AGPS: variants seen among roughly 807,000 people sequenced by gnomAD.
AGPS encodes alkylglycerone phosphate synthase.
A neutral mutation model predicts 90.7 loss-of-function variants in AGPS; 26 were observed. That is an observed-to-expected ratio of 0.29 (90% CI 0.21 to 0.40). The LOEUF (loss-of-function observed/expected upper bound fraction) is 0.40. Among genes scored for constraint, AGPS ranks in the 10% least tolerant of loss-of-function variants. The pLI is 1.00. For missense variants in AGPS, 540 were observed against 816.1 expected (o/e 0.66, Z 4.12); for synonymous variants, 294 against 285.3 (o/e 1.03, Z -0.31).
chr2:177,521,144 G>C, intron 17 of AGPS, 125 bp from the exon 18 acceptor site: 1 of 858,000 alleles, frequency 1.2e-6, no homozygotes, highest in African/African-American at 1.7e-5. Flanking sequence ...TGGAGTAGAG[G>C]CTGGGAAGAA....
intron 8 of AGPS, among the ~76,000 whole-genome samples, chr2:177,447,454 A>G (rs1686810838): frequency 6.6e-6 from 1 of 152,080 alleles, no homozygotes; most frequent in African/African-American, 2.4e-5. Context: ...AAAAACCTCT[A>G]AAAAGTCCTG....
chr2:177,505,631 TCTTA>T (rs1354546516), intron 15 of AGPS, 56 bp downstream of exon 15: 2 of 1,492,944 alleles, frequency 1.3e-6, no homozygotes, highest in Non-Finnish European at 1.9e-6. Flanking sequence ...CAATACTTTT[TCTTA>T]CTTTAAGTGA....
chr2:177,414,620 A>G (rs1321642865), intron 1 of AGPS, among the ~76,000 whole-genome samples: 2 of 152,208 alleles, frequency 1.3e-5, no homozygotes, highest in Non-Finnish European at 2.9e-5. Flanking sequence ...ATGGAATTCT[A>G]TCATTCAAAA....
chr2:177,489,855 G>A (rs775893614), intron 11 of AGPS, among the ~76,000 whole-genome samples: 2 of 152,100 alleles, frequency 1.3e-5, no homozygotes, highest in Non-Finnish European at 2.9e-5. Flanking sequence ...ATTAAAATTT[G>A]TAAAAATATT....
intron 1 of AGPS, among the ~76,000 whole-genome samples, chr2:177,403,799 T>C (rs1685392927): frequency 6.6e-6 from 1 of 152,196 alleles, no homozygotes; most frequent in Non-Finnish European, 1.5e-5. Flanking sequence ...TAATAATGTG[T>C]AAAATCATTT....
intron 19 of AGPS, among the ~76,000 whole-genome samples, chr2:177,527,723 T>C (rs2079102190): frequency 6.6e-6 from 1 of 152,194 alleles, no homozygotes; most frequent in Non-Finnish European, 1.5e-5. Flanking sequence ...TTATAGGCCT[T>C]CTTTTATTGA....
At chr2:177,443,791 A>T (rs866391113) in intron 7 of AGPS, among the ~76,000 whole-genome samples, 10 of 152,314 alleles carry the variant, frequency 6.6e-5, no homozygotes, top group Non-Finnish European at 1.2e-4. Flanking sequence ...CCTGTTCTGG[A>T]ATGTTAACAT....
chr2:177,474,803 A>G (rs993104736), intron 10 of AGPS, among the ~76,000 whole-genome samples: 1 of 151,776 alleles, frequency 6.6e-6, no homozygotes, highest in Non-Finnish European at 1.5e-5. Context: ...ATTTAACCAA[A>G]CCCCTGTTGG....
intron 16 of AGPS, among the ~76,000 whole-genome samples, chr2:177,509,694 C>T (rs1039198025): frequency 6.7e-6 from 1 of 150,026 alleles, no homozygotes; most frequent in African/African-American, 2.5e-5. Context: ...AGCAGTTTGG[C>T]AGCTATTCAT....
rs1559045611 is a variant in AGPS, at chr2:177,437,014, A to G, written c.597A>G (p.Glu199=). Residue 199 remains glutamate (E), a synonymous_variant, in exon 5 of 20, where the codon GAA becomes GAG. Transcript: ENST00000264167. ...HCLHEIFLLR[E]GMFERIPDIV... ...TTCATGAGATATTTTTGCTCAGGGA[A>G]GGAATGTTTGAGCGAATTCCTGATA... 15 of 1,613,634 alleles carry G rather than the reference A, an allele frequency of 9.3e-6. No individual in the cohort carries two copies. Among genetic ancestry groups the G allele is most frequent in the Non-Finnish European group, 1.3e-5 (15 of 1,179,780 alleles).
At position 177,505,556 on chromosome 2, in the gene AGPS, A is replaced by G. The variant is rs1227042587; in HGVS notation, c.1526A>G (p.Tyr509Cys). ...GGACAGAGAGGTTATTTGCTGACCTATGTTATTGCATACATTCGAGTAAGT... is the reference window on the plus strand; with the variant it reads ...GGACAGAGAGGTTATTTGCTGACCTGTGTTATTGCATACATTCGAGTAAGT... Reference protein sequence around the residue: ...DNGQRGYLLTYVIAYIRDLAL... With the variant: ...DNGQRGYLLTCVIAYIRDLAL... The change falls in exon 15 of 20, where the codon TAT becomes TGT. Residue 509 changes from tyrosine (Y) to cysteine (C), a missense_variant. By Grantham distance (194) the Tyr-to-Cys change is radical (BLOSUM62 -2). This residue lies in a region of AGPS where 405 missense variants were observed against 692.1 expected (regional missense o/e 0.59). Coordinates refer to ENST00000264167, the MANE Select transcript of AGPS (RefSeq NM_003659.4). The G allele has an allele frequency of 6.2e-7, 1 of 1,612,084 alleles. No individual in the cohort carries two copies. The highest frequency in any genetic ancestry group is 1.7e-5 in the Admixed American group (1 of 59,994).
intron 5 of AGPS, among the ~76,000 whole-genome samples, chr2:177,438,367 A>G (rs1434834203): frequency 6.6e-6 from 1 of 152,226 alleles, no homozygotes; most frequent in Non-Finnish European, 1.5e-5. Context: ...AGCCTGGACT[A>G]GTGAGTCCCT....
In AGPS at chr2:177,472,012, T is replaced by A. The variant is rs117520471; in HGVS notation, c.1105+3488T>A. Among the ~76,000 whole-genome samples the A allele has an allele frequency of 4.0e-3, 610 of 152,190 alleles. 5 individuals are homozygous for A. The highest frequency in any genetic ancestry group is 0.032 in the East Asian group (167 of 5,188). On this transcript the variant is annotated intron_variant, in intron 10 of 19. Coordinates refer to ENST00000264167, the MANE Select transcript of AGPS (RefSeq NM_003659.4). ...TTTTGCAACTTAGAGTTGATAGTCC[T>A]GGGTTATTTTGCTTCAGCACCCAGT...
chr2:177,537,619 C>T (rs1186928947), intron 19 of AGPS, among the ~76,000 whole-genome samples: 2 of 151,940 alleles, frequency 1.3e-5, no homozygotes, highest in African/African-American at 4.8e-5. Context: ...CCTTTATGTT[C>T]GTTAAAATAT....
At chr2:177,435,023 A>ATATATG (rs912295185) in intron 3 of AGPS, among the ~76,000 whole-genome samples, 9 of 147,012 alleles carry the variant, frequency 6.1e-5, no homozygotes, top group Non-Finnish European at 1.2e-4. Flanking sequence ...ATATATATAT[A>ATATATG]TGTATGAAAC....
intron 19 of AGPS, 112 bp downstream of exon 19, chr2:177,523,917 C>T: frequency 1.1e-6 from 1 of 941,340 alleles, no homozygotes; most frequent in East Asian, 2.6e-5. Flanking sequence ...CTTGAGGTTT[C>T]TTTAAAGTTT....
intron 10 of AGPS, among the ~76,000 whole-genome samples, chr2:177,481,651 A>G (rs914788456): frequency 1.3e-5 from 2 of 151,958 alleles, no homozygotes; most frequent in Non-Finnish European, 2.9e-5. Context: ...TTTTTGCCCA[A>G]TAAATTGTTT....
At chr2:177,509,665 CAAAA>C (rs59032397) in intron 16 of AGPS, among the ~76,000 whole-genome samples, 6 of 120,466 alleles carry the variant, frequency 5.0e-5, no homozygotes, top group Non-Finnish European at 7.0e-5. Flanking sequence ...GACTCCATCT[CAAAA>C]AAAAAAAAAA....
chr2:177,460,566 C>A (rs953662234), intron 8 of AGPS, among the ~76,000 whole-genome samples: 4 of 152,238 alleles, frequency 2.6e-5, no homozygotes, highest in Non-Finnish European at 5.9e-5. Flanking sequence ...CCTGGTACAT[C>A]TTAGGGCTCC....
Sources: gnomAD v4.1 joint callset for allele counts (sites outside exome capture counted in the v4.1 genomes callset) on GRCh38, gnomAD v4.1.1 for gene constraint, gnomAD v4.1.1 regional missense constraint, MANE v1.5 for transcripts, NCBI Gene and HGNC (gene_info 2026-07-23, HGNC 2026-07-21) for gene names.